The following MKLN1 variants were observed in gnomAD, a reference collection of about 807,000 sequenced individuals.
MKLN1 encodes the protein muskelin 1.
A neutral mutation model predicts 99.0 loss-of-function variants in MKLN1; 18 were observed. The ratio of observed to expected loss-of-function variants is 0.18; its 90% CI spans 0.13 to 0.27. The LOEUF is 0.27. MKLN1 is among the 10% of genes least tolerant of loss of function. MKLN1 has a pLI of 1.00. For synonymous variants in MKLN1, 288 were observed against 293.2 expected (o/e 0.98, Z 0.18); for missense variants, 621 against 875.9 (o/e 0.71, Z 3.67).
chr7:131,401,170 T>G (rs536485970), intron 6 of MKLN1, among the ~76,000 whole-genome samples: 6 of 152,288 alleles, frequency 3.9e-5, no homozygotes, highest in Non-Finnish European at 8.8e-5. Flanking sequence ...CAAAAGCTAC[T>G]TTTAGTATTT....
At chr7:131,323,614 TC>T (rs1196394812), upstream of MKLN1, 3 of 152,176 alleles carry the variant, frequency 2.0e-5, no homozygotes, top group Non-Finnish European at 4.4e-5. Context: ...TATATGTAGT[TC>T]CAGCAGGTAT....
intron 2 of MKLN1, among the ~76,000 whole-genome samples, chr7:131,200,790 G>A (rs949058996): frequency 8.5e-5 from 13 of 152,102 alleles, no homozygotes; most frequent in Non-Finnish European, 4.4e-5. Context: ...TTCCACTGAC[G>A]TGTTCTAATT....
chr7:131,312,247 T>A (rs935650862), intron 3 of MKLN1, among the ~76,000 whole-genome samples: 5 of 152,182 alleles, frequency 3.3e-5, no homozygotes, highest in African/African-American at 1.2e-4. Flanking sequence ...GGTCTCAAAC[T>A]CCTGACCTCA....
intron 3 of MKLN1, among the ~76,000 whole-genome samples, chr7:131,307,935 G>A (rs1798492666): frequency 6.6e-6 from 1 of 152,248 alleles, no homozygotes; most frequent in African/African-American, 2.4e-5. Context: ...AGAATGATAT[G>A]GTTTGGCCCT....
intron 3 of MKLN1, among the ~76,000 whole-genome samples, chr7:131,221,713 G>A (rs1296394958): frequency 6.7e-6 from 1 of 149,322 alleles, no homozygotes; most frequent in East Asian, 2.0e-4. Flanking sequence ...TAGAGGTGGG[G>A]TTTCACCATG....
At chr7:131,387,820 A>G (rs1468584219) in intron 3 of MKLN1, among the ~76,000 whole-genome samples, 1 of 152,182 alleles carries the variant, frequency 6.6e-6, no homozygotes, top group African/African-American at 2.4e-5. Flanking sequence ...CTGCCCAGCA[A>G]ATGAAAAATC....
chr7:131,400,770 A>G (rs958230800), intron 6 of MKLN1, among the ~76,000 whole-genome samples: 1 of 152,036 alleles, frequency 6.6e-6, no homozygotes, highest in African/African-American at 2.4e-5. Flanking sequence ...GGTTAAGATT[A>G]GCTGATAAAA....
intron 3 of MKLN1, among the ~76,000 whole-genome samples, chr7:131,252,955 A>AT (rs1797605249): frequency 6.6e-6 from 1 of 152,178 alleles, no homozygotes; most frequent in Non-Finnish European, 1.5e-5. Context: ...GCTCAGACAA[A>AT]TGTTGTTAGC....
intron 12 of MKLN1, 100 bp from the exon 13 acceptor site, chr7:131,463,117 C>T: frequency 9.6e-7 from 1 of 1,036,892 alleles, no homozygotes; most frequent in African/African-American, 1.6e-5. Context: ...GAGTGAAATG[C>T]TGTTCTTTAA....
rs1794056514 is a variant in MKLN1 at position 131,387,143 on chromosome 7, G to C, written c.192G>C (p.Arg64Ser). 6.2e-7 allele frequency: 1 copy of C among 1,605,492 alleles called. No individual in the cohort carries two copies. The highest frequency in any genetic ancestry group is 1.7e-4 in the Middle Eastern group (1 of 5,928). The change falls in exon 3 of 18, where the codon AGG becomes AGC. Residue 64 changes from arginine to serine, a missense_variant. By Grantham distance (110) the Arg-to-Ser change is moderately radical (BLOSUM62 -1). Around this residue, in one of 8 missense-constraint regions of MKLN1, gnomAD observed 27 missense variants for 19.7 expected, o/e 1.37. Coordinates refer to ENST00000352689, the MANE Select transcript of MKLN1 (RefSeq NM_013255.5). ...PPQYLILKLE[R>S]PAIVQNITFG... ...AGTACTTGATTCTAAAGCTCGAAAGGCCTGCTATAGTTCAGAATATCACAT... is the reference window on the plus strand; with the variant it reads ...AGTACTTGATTCTAAAGCTCGAAAGCCCTGCTATAGTTCAGAATATCACAT...
At chr7:131,405,804 C>T (rs1393409126) in intron 6 of MKLN1, among the ~76,000 whole-genome samples, 1 of 151,980 alleles carries the variant, frequency 6.6e-6, no homozygotes, top group Non-Finnish European at 1.5e-5. Context: ...TGTTTCCAGT[C>T]CTTTGAAATT....
intron 16 of MKLN1, chr7:131,471,688 C>T (rs1198323587): frequency 6.6e-6 from 1 of 152,240 alleles, no homozygotes; most frequent in Non-Finnish European, 1.5e-5. Flanking sequence ...CATTTGCCTT[C>T]CACTCACAGA....
chr7:131,370,453 C>T (rs1204450562), intron 1 of MKLN1, among the ~76,000 whole-genome samples: 2 of 147,248 alleles, frequency 1.4e-5, no homozygotes, highest in African/African-American at 2.5e-5. Context: ...AGATGATTTC[C>T]TGTCACTATT....
chr7:131,489,950 A>G lies in MKLN1; in HGVS notation c.*2222A>G, dbSNP rs1377598617. On this transcript the variant is annotated 3_prime_UTR_variant, in exon 18 of 18. Transcript: ENST00000352689. ...TCATAGCGAGCCATTTGCTCTTGCC[A>G]AAGTGAGATAGATGTACTGAGGAGA... 2.6e-5 allele frequency: 4 copies of G among 152,254 alleles called. No individual in the cohort carries two copies. Among genetic ancestry groups the G allele is most frequent in the African/African-American group, 9.7e-5 (4 of 41,450 alleles). The allele number at this position is 152,254 out of a possible 1,614,324, so 9.4% of individuals were successfully genotyped here.
intron 3 of MKLN1, among the ~76,000 whole-genome samples, chr7:131,280,455 A>C (rs1455269123): frequency 6.6e-6 from 1 of 152,132 alleles, no homozygotes; most frequent in Non-Finnish European, 1.5e-5. Context: ...GTTTCTCCAG[A>C]TCCTTACCAA....
intron 3 of MKLN1, among the ~76,000 whole-genome samples, chr7:131,387,791 G>A (rs1477333330): frequency 6.6e-6 from 1 of 152,146 alleles, no homozygotes; most frequent in Non-Finnish European, 1.5e-5. Flanking sequence ...TGACCACCGG[G>A]AATGAAGGTG....
intron 7 of MKLN1, among the ~76,000 whole-genome samples, chr7:131,413,252 T>A (rs564797610): frequency 1.9e-4 from 29 of 152,350 alleles, no homozygotes; most frequent in African/African-American, 6.5e-4. Flanking sequence ...AGGGAACTTC[T>A]GGATGATTAG....
intron 1 of MKLN1, among the ~76,000 whole-genome samples, chr7:131,117,306 T>C (rs1795292568): frequency 6.6e-6 from 1 of 152,000 alleles, no homozygotes; most frequent in Admixed American, 6.6e-5. Context: ...GGTGCACACC[T>C]GTAATCCCAG....
chr7:131,268,621 C>T (rs2116552033), intron 3 of MKLN1, among the ~76,000 whole-genome samples: 1 of 152,266 alleles, frequency 6.6e-6, no homozygotes, highest in African/African-American at 2.4e-5. Flanking sequence ...CAGATAACTG[C>T]ACAGGAGGAC....
Sources: allele counts gnomAD v4.1 joint callset (sites outside exome capture counted in the v4.1 genomes callset), GRCh38; gene constraint gnomAD v4.1.1; regional missense constraint gnomAD v4.1.1; transcripts MANE v1.5; gene names NCBI Gene and HGNC (gene_info 2026-07-23, HGNC 2026-07-21).